Variants in RYR1 observed in about 807,000 individuals in gnomAD.
RYR1 encodes the protein central core disease of muscle.
RYR1 carries 342 observed loss-of-function variants against 583.5 expected under a neutral mutation model. The ratio of observed to expected loss-of-function variants is 0.59; its 90% CI spans 0.54 to 0.64. The LOEUF is 0.64. Among genes scored for constraint, RYR1 ranks in the 30% least tolerant of loss-of-function variants. The pLI is 0.00. For missense variants in RYR1, 6,032 were observed against 6,917.2 expected, an observed-to-expected ratio of 0.87 and a Z score of 4.54; for synonymous variants, 2,791 against 2,822.5, an observed-to-expected ratio of 0.99 and a Z score of 0.35.
At chr19:38,466,565 G>A (rs1231086914) in intron 24 of RYR1, among the ~76,000 whole-genome samples, 167 bp downstream of exon 24, 1 of 148,690 alleles carries the variant, frequency 6.7e-6, no homozygotes, top group Non-Finnish European at 1.5e-5. Context: ...GCAATGGCGC[G>A]ATCTCTGCTC....
At chr19:38,497,081 G>C in intron 42 of RYR1, 127 bp downstream of exon 42, 1 of 757,252 alleles carries the variant, frequency 1.3e-6, no homozygotes, top group Non-Finnish European at 2.3e-6. Context: ...TGCCCAACCA[G>C]AAGGAGACTA....
At chr19:38,520,419 G>A (rs1257648593) in intron 67 of RYR1, among the ~76,000 whole-genome samples, 2 of 150,914 alleles carry the variant, frequency 1.3e-5, no homozygotes, top group African/African-American at 4.9e-5. Context: ...TATAGGCCGG[G>A]TGTGGTGGCT....
rs200442804 is a variant in RYR1, at chr19:38,580,068, C to T, written c.14451C>T (p.Ile4817=). 3.9e-5 allele frequency: 63 copies of T among 1,614,196 alleles called. No individual in the cohort carries two copies. In the East Asian group the frequency reaches 1.2e-3, roughly 30 times the overall value. The change falls in exon 100 of 106, where the codon ATC becomes ATT. Residue 4817 remains isoleucine (I), a synonymous_variant. Coordinates refer to ENST00000359596, the MANE Select transcript of RYR1 (RefSeq NM_000540.3). The stretch of plus-strand genomic sequence containing the variant: ...TCTTTGCTGCCCATCTCCTGGACAT[C>T]GCCATGGGGGTCAAGACGCTGCGCA... ...NFFFAAHLLD[I]AMGVKTLRTI...
chr19:38,497,278 C>T (rs368337767), intron 42 of RYR1, among the ~76,000 whole-genome samples: 1 of 152,172 alleles, frequency 6.6e-6, no homozygotes, highest in Non-Finnish European at 1.5e-5. Context: ...GGGCTGGGGG[C>T]GGATCCGCAC....
intron 5 of RYR1, 125 bp downstream of exon 5, chr19:38,443,921 G>A: frequency 1.1e-6 from 1 of 930,194 alleles, no homozygotes; most frequent in South Asian, 1.4e-5. Context: ...GGGCTTCGTA[G>A]CAGAGAGTCT....
At chr19:38,570,285 C>T (rs1973656251) in intron 93 of RYR1, among the ~76,000 whole-genome samples, 1 of 152,002 alleles carries the variant, frequency 6.6e-6, no homozygotes, top group Non-Finnish European at 1.5e-5. Context: ...AACCCTGTCT[C>T]TACTAAAAAT....
At position 38,506,436 on chromosome 19, in the gene RYR1, C is replaced by T. The variant is rs2960344; in HGVS notation, c.8617-35C>T. 452,745 of 1,613,498 alleles carry T rather than the reference C, an allele frequency of 0.28. 67,589 individuals carry two copies. The highest frequency in any genetic ancestry group is 0.45 in the South Asian group (40,746 of 91,068). ...GTGTCTTTGGGGGGGCTGGCATCCT[C>T]TGAATCTAGCCCTTGACTCTGCATC... On this transcript the variant is annotated intron_variant, in intron 55 of 105. Coordinates refer to ENST00000359596, the MANE Select transcript of RYR1 (RefSeq NM_000540.3).
Position 38,507,842 on chromosome 19 carries a change from C to G in RYR1, c.8932+15C>G. On this transcript the variant is annotated intron_variant, in intron 58 of 105. Transcript: ENST00000359596. Reference sequence around the variant, plus strand: ...TGCCCACCTGGGTACGGAGAAATACCCCCCGCTTATGCCCGCCCCACCTGC... The same window carrying G: ...TGCCCACCTGGGTACGGAGAAATACGCCCCGCTTATGCCCGCCCCACCTGC... The G allele has an allele frequency of 1.3e-6, 2 of 1,548,816 alleles. No individual in the cohort carries two copies. The highest frequency in any genetic ancestry group is 1.8e-6 in the Non-Finnish European group (2 of 1,130,404).
chr19:38,558,948 G>T (rs1256096081), intron 89 of RYR1, among the ~76,000 whole-genome samples: 1 of 152,230 alleles, frequency 6.6e-6, no homozygotes. Flanking sequence ...GAATTAGCCA[G>T]TGTGGTGGCA....
intron 23 of RYR1, among the ~76,000 whole-genome samples, chr19:38,465,301 C>T (rs1273664962): frequency 6.6e-6 from 1 of 151,516 alleles, no homozygotes; most frequent in Admixed American, 6.6e-5. Flanking sequence ...GACCCCTCTA[C>T]AAAAAATTTA....
At chr19:38,486,298 C>A in intron 34 of RYR1, 96 bp downstream of exon 34, 2 of 1,439,744 alleles carry the variant, frequency 1.4e-6, no homozygotes, top group South Asian at 1.1e-5. Context: ...TTTATGCATC[C>A]AACCACCCAT....
chr19:38,448,533 CT>C (rs1338256742), intron 10 of RYR1, 22 bp downstream of exon 10: 1 of 1,612,156 alleles, frequency 6.2e-7, no homozygotes, highest in African/African-American at 1.3e-5. Flanking sequence ...TTGTGGCGCC[CT>C]CCCTCACCTG....
chr19:38,459,941 A>G (rs955500689), intron 19 of RYR1, among the ~76,000 whole-genome samples: 3 of 151,980 alleles, frequency 2.0e-5, no homozygotes, highest in Non-Finnish European at 4.4e-5. Context: ...TCCTTTCCCA[A>G]TCACCCCAAG....
At chr19:38,464,569 G>T in intron 22 of RYR1, 70 bp from the exon 23 acceptor site, 1 of 1,347,224 alleles carries the variant, frequency 7.4e-7, no homozygotes, top group South Asian at 1.3e-5. Flanking sequence ...GAGACCCTGA[G>T]GCCGTGGGAG....
chr19:38,502,433 C>A, intron 47 of RYR1, 74 bp from the exon 48 acceptor site: 8 of 1,404,272 alleles, frequency 5.7e-6, no homozygotes, highest in Non-Finnish European at 7.8e-6. Context: ...CCTTTGGCCA[C>A]AGTCGCTCAA....
At position 38,489,448 on chromosome 19, in the gene RYR1, G is replaced by T. The variant is rs759864086; in HGVS notation, c.5814+5G>T. 1 of 1,613,910 alleles carries T rather than the reference G, an allele frequency of 6.2e-7. No individual in the cohort carries two copies. Among genetic ancestry groups the T allele is most frequent in the South Asian group, 1.1e-5 (1 of 91,070 alleles). ...CCAGAGTCTGTGAAGTTACAGGTGG[G>T]CTGCTGCTTCCTGCTTTTCGGCCTC... is the stretch of plus-strand genomic sequence containing the variant. On this transcript the variant is annotated splice_donor_5th_base_variant and intron_variant, in intron 35 of 105. Transcript: ENST00000359596.
Position 38,500,626 on chromosome 19 carries a change from T to C in RYR1, c.7344T>C (p.Gly2448=), listed in dbSNP as rs199813873. ...CCCAGCTAATCCAAGCCGGCAAGGG[T>C]GAGGCCCTGCGGATCCGCGCCATCC... ...PEMHLIQAGK[G]EALRIRAILR... is the part of the protein sequence containing the mutation. Residue 2448 remains glycine (G), a synonymous_variant, in exon 46 of 106, where the codon GGT becomes GGC. Coordinates refer to ENST00000359596, the MANE Select transcript of RYR1 (RefSeq NM_000540.3). The surrounding 1 kb of genome is among the most constrained non-coding windows in gnomAD (Gnocchi z 5.9). 91 of 1,612,956 alleles carry C rather than the reference T, an allele frequency of 5.6e-5. No homozygotes were observed. Among genetic ancestry groups the C allele is most frequent in the Middle Eastern group, 5.5e-4 (3 of 5,452 alleles).
chr19:38,466,020 GA>G, intron 23 of RYR1, 70 bp from the exon 24 acceptor site: 9 of 1,421,936 alleles, frequency 6.3e-6, no homozygotes, highest in Non-Finnish European at 8.7e-6. Context: ...AGCAGTCAGG[GA>G]TCCCATATAG....
intron 89 of RYR1, among the ~76,000 whole-genome samples, chr19:38,550,838 C>G (rs1467604957): frequency 6.6e-6 from 1 of 152,082 alleles, no homozygotes; most frequent in Non-Finnish European, 1.5e-5. Context: ...CTGGGGTCAT[C>G]ATCCATTGAT....
Sources: allele counts gnomAD v4.1 joint callset (sites outside exome capture counted in the v4.1 genomes callset), GRCh38; gene constraint gnomAD v4.1.1; non-coding constraint Gnocchi (gnomAD v3.1); transcripts MANE v1.5; gene names NCBI Gene and HGNC (gene_info 2026-07-23, HGNC 2026-07-21).